Variants in GABRB1 observed in about 807,000 individuals in gnomAD.
The protein encoded by GABRB1 is gamma-aminobutyric acid type A receptor subunit beta1.
In GABRB1, 17 loss-of-function variants were observed where a neutral mutation model predicts 51.6. The ratio of observed to expected loss-of-function variants is 0.33; its 90% CI spans 0.23 to 0.49. The LOEUF (loss-of-function observed/expected upper bound fraction) is 0.49. Among genes scored for constraint, GABRB1 ranks in the 20% least tolerant of loss-of-function variants. The probability of loss-of-function intolerance (pLI) is 0.99; values close to 1 mark genes in which losing one functional copy is unlikely to be tolerated. For synonymous variants in GABRB1, 247 were observed against 218.9 expected, an observed-to-expected ratio of 1.13 and a Z score of -1.14; for missense variants, 410 against 600.6, an observed-to-expected ratio of 0.68 and a Z score of 3.32.
At chr4:47,088,304 T>C (rs1210931478) in intron 3 of GABRB1, among the ~76,000 whole-genome samples, 1 of 152,120 alleles carries the variant, frequency 6.6e-6, no homozygotes, top group Non-Finnish European at 1.5e-5. Context: ...CAATAACAAA[T>C]GCAATAATGC....
chr4:47,388,014 C>T (rs1481379173), intron 5 of GABRB1, among the ~76,000 whole-genome samples: 1 of 152,106 alleles, frequency 6.6e-6, no homozygotes, highest in Non-Finnish European at 1.5e-5. Context: ...GCACTAGAGT[C>T]CCATTGGTGT....
chr4:47,100,443 A>G (rs1469622886), intron 3 of GABRB1, among the ~76,000 whole-genome samples: 1 of 152,022 alleles, frequency 6.6e-6, no homozygotes, highest in Non-Finnish European at 1.5e-5. Context: ...CTTTAGTAGT[A>G]GTATAAATGA....
intron 5 of GABRB1, among the ~76,000 whole-genome samples, chr4:47,359,486 A>G (rs1403709892): frequency 6.6e-6 from 1 of 152,106 alleles, no homozygotes; most frequent in Admixed American, 6.6e-5. Context: ...CAGCTTCCCA[A>G]CGTGCCTAAT....
chr4:47,239,526 C>T (rs562343476), intron 4 of GABRB1, among the ~76,000 whole-genome samples: 96 of 152,134 alleles, frequency 6.3e-4, no homozygotes, highest in Non-Finnish European at 1.2e-3. Context: ...TGGCAACGGG[C>T]CCCATCATTT....
chr4:47,227,891 T>G (rs1487441382), intron 4 of GABRB1, among the ~76,000 whole-genome samples: 1 of 152,156 alleles, frequency 6.6e-6, no homozygotes, highest in Non-Finnish European at 1.5e-5. Flanking sequence ...TTCACATGCA[T>G]CCCTGGAATC....
At chr4:47,358,029 A>T (rs1726651248) in intron 5 of GABRB1, among the ~76,000 whole-genome samples, 1 of 152,146 alleles carries the variant, frequency 6.6e-6, no homozygotes, top group Admixed American at 6.6e-5. Context: ...AAACCTCATC[A>T]CACCCCCTTA....
chr4:47,277,632 CCTA>C (rs1723135000), intron 4 of GABRB1, among the ~76,000 whole-genome samples: 1 of 151,526 alleles, frequency 6.6e-6, no homozygotes, highest in South Asian at 2.1e-4. Flanking sequence ...AATGTATATG[CCTA>C]CTATGTGCCC....
intron 4 of GABRB1, among the ~76,000 whole-genome samples, chr4:47,184,717 C>T (rs1202768191): frequency 6.6e-6 from 1 of 151,932 alleles, no homozygotes; most frequent in East Asian, 1.9e-4. Flanking sequence ...CTTAGCTTTG[C>T]TTCTCAACCT....
chr4:47,356,713 C>T (rs768573544), intron 5 of GABRB1, among the ~76,000 whole-genome samples: 6 of 152,120 alleles, frequency 3.9e-5, no homozygotes, highest in Admixed American at 6.6e-5. Flanking sequence ...TATTTTCAAA[C>T]GGTCCTTTTA....
In GABRB1 at chr4:47,171,675, A is replaced by G. The variant is rs188612273; in HGVS notation, c.461+10206A>G. On this transcript the variant is annotated intron_variant, in intron 4 of 8. Transcript: ENST00000295454. ...ATGGGAAATCATTATGTTTAAATAT[A>G]CATCTAAGCAACGCATTTTATTAAA... is the stretch of plus-strand genomic sequence containing the variant. 5.9e-5 allele frequency among the ~76,000 whole-genome samples: 9 copies of G among 152,278 alleles called. No individual in the cohort carries two copies. In the East Asian group the frequency reaches 1.5e-3, roughly 26 times the overall value.
intron 8 of GABRB1, among the ~76,000 whole-genome samples, chr4:47,422,598 C>T (rs573410360): frequency 6.6e-6 from 1 of 152,252 alleles, no homozygotes; most frequent in East Asian, 1.9e-4. Context: ...CTCTTCATAG[C>T]AAGATGTTAT....
chr4:47,116,694 T>C (rs1043030364), intron 3 of GABRB1, among the ~76,000 whole-genome samples: 2 of 152,198 alleles, frequency 1.3e-5, no homozygotes, highest in Non-Finnish European at 2.9e-5. Flanking sequence ...GTAATTACAA[T>C]ATCTAGTACT....
At chr4:47,088,679 G>A (rs2109581728) in intron 3 of GABRB1, among the ~76,000 whole-genome samples, 1 of 152,266 alleles carries the variant, frequency 6.6e-6, no homozygotes, top group East Asian at 1.9e-4. Context: ...TCCGAAGCAG[G>A]GAATTCTTCT....
At chr4:46,993,778 A>T in exon 1 of GABRB1, 1 of 226,262 alleles carries the variant, frequency 4.4e-6, no homozygotes, top group Middle Eastern at 1.7e-3. Flanking sequence ...TCCGGGGATG[A>T]GGAACGGGGT....
chr4:47,166,455 A>G (rs1718192038), intron 4 of GABRB1, among the ~76,000 whole-genome samples: 1 of 152,052 alleles, frequency 6.6e-6, no homozygotes, highest in African/African-American at 2.4e-5. Flanking sequence ...CACTCAATAA[A>G]TAGCAAATAT....
chr4:47,098,884 C>A (rs1049323604), intron 3 of GABRB1, among the ~76,000 whole-genome samples: 9 of 151,990 alleles, frequency 5.9e-5, no homozygotes, highest in Non-Finnish European at 1.3e-4. Context: ...CGTATATTTT[C>A]ATTGAAAGAA....
At chr4:47,138,699 A>G (rs1158260482) in intron 3 of GABRB1, among the ~76,000 whole-genome samples, 2 of 152,108 alleles carry the variant, frequency 1.3e-5, no homozygotes, top group African/African-American at 4.8e-5. Flanking sequence ...TTGTAACCAT[A>G]TGCATAACCA....
chr4:47,010,675 T>C (rs1724557530), intron 1 of GABRB1, among the ~76,000 whole-genome samples: 1 of 152,210 alleles, frequency 6.6e-6, no homozygotes, highest in African/African-American at 2.4e-5. Context: ...TTCCTGAATC[T>C]TCCTCCCCAA....
chr4:47,225,411 T>C (rs977711405), intron 4 of GABRB1, among the ~76,000 whole-genome samples: 2 of 152,164 alleles, frequency 1.3e-5, no homozygotes, highest in Non-Finnish European at 2.9e-5. Flanking sequence ...CTGTTAGATG[T>C]TTTTCATGTT....
Sources: allele counts gnomAD v4.1 joint callset (sites outside exome capture counted in the v4.1 genomes callset), GRCh38; gene constraint gnomAD v4.1.1; transcripts MANE v1.5; gene names NCBI Gene and HGNC (gene_info 2026-07-23, HGNC 2026-07-21).